Variants in MAF observed in about 807,000 individuals in gnomAD.
MAF encodes transcription factor Maf.
MAF carries 10 observed loss-of-function variants against 22.0 expected under a neutral mutation model. The observed-to-expected ratio is 0.45, with a 90% CI of 0.28 to 0.77. The LOEUF (loss-of-function observed/expected upper bound fraction) is 0.77, where lower values mean the gene tolerates loss of function less well. Among genes scored for constraint, MAF ranks in the 30% least tolerant of loss-of-function variants. The pLI is 0.12. For missense variants in MAF, 544 were observed against 548.4 expected, an observed-to-expected ratio of 0.99 and a Z score of 0.08; for synonymous variants, 337 against 255.8, an observed-to-expected ratio of 1.32 and a Z score of -3.03.
chr16:79,533,544 C>T, the MAF span, among the ~76,000 whole-genome samples: 70 of 152,158 alleles, frequency 4.6e-4, no homozygotes, highest in East Asian at 9.7e-4. Flanking sequence ...CAGAGGAAGA[C>T]GGCAGGGGGA....
At chr16:79,489,445 G>T in the MAF span, among the ~76,000 whole-genome samples, 1 of 152,202 alleles carries the variant, frequency 6.6e-6, no homozygotes, top group Non-Finnish European at 1.5e-5. Context: ...TGAGTAAGAG[G>T]AGTTGATTCC....
the MAF span, among the ~76,000 whole-genome samples, chr16:79,380,869 G>A: frequency 6.6e-6 from 1 of 152,226 alleles, no homozygotes; most frequent in African/African-American, 2.4e-5. Context: ...CTCTTTGGGG[G>A]CACATTGGAA....
the MAF span, among the ~76,000 whole-genome samples, chr16:79,217,530 C>G: frequency 4.6e-5 from 7 of 152,196 alleles, no homozygotes; most frequent in Admixed American, 3.3e-4. Context: ...CTACATTTCT[C>G]AATAGGCCCT....
At chr16:79,427,711 C>T in the MAF span, among the ~76,000 whole-genome samples, 1 of 152,048 alleles carries the variant, frequency 6.6e-6, no homozygotes, top group Non-Finnish European at 1.5e-5. Context: ...TCCTGATAGC[C>T]CTGTACTGGC....
chr16:79,527,246 T>C, the MAF span, among the ~76,000 whole-genome samples: 1 of 152,206 alleles, frequency 6.6e-6, no homozygotes, highest in African/African-American at 2.4e-5. Context: ...CAGTGCTGCC[T>C]GTTTTCTTTG....
At chr16:79,584,703 G>A (rs1473369356), downstream of MAF, among the ~76,000 whole-genome samples, 1 of 152,038 alleles carries the variant, frequency 6.6e-6, no homozygotes, top group Non-Finnish European at 1.5e-5. Flanking sequence ...TGCATGCACA[G>A]ACTCAGACAC....
chr16:79,523,203 A>C, the MAF span, among the ~76,000 whole-genome samples: 2 of 152,214 alleles, frequency 1.3e-5, no homozygotes, highest in African/African-American at 4.8e-5. Flanking sequence ...CCAAAGGGGC[A>C]TCTGTTTGAC....
the MAF span, among the ~76,000 whole-genome samples, chr16:79,219,180 TGAGG>T: frequency 6.6e-6 from 1 of 152,216 alleles, no homozygotes; most frequent in Non-Finnish European, 1.5e-5. Context: ...CTCATTCAGA[TGAGG>T]GAGGCTCTGT....
the MAF span, among the ~76,000 whole-genome samples, chr16:79,234,004 A>G: frequency 4.5e-4 from 69 of 151,850 alleles, no homozygotes; most frequent in African/African-American, 1.6e-3. Flanking sequence ...AAAAAAAAAA[A>G]AGAGAGTAAG....
At chr16:79,327,051 A>G in the MAF span, among the ~76,000 whole-genome samples, 1 of 152,238 alleles carries the variant, frequency 6.6e-6, no homozygotes, top group African/African-American at 2.4e-5. Flanking sequence ...CTGCATACTG[A>G]ACTACTGTAC....
chr16:79,241,395 T>C, the MAF span, among the ~76,000 whole-genome samples: 1 of 152,040 alleles, frequency 6.6e-6, no homozygotes, highest in African/African-American at 2.4e-5. Flanking sequence ...TCATGAAGCA[T>C]ACACAAGTAT....
At chr16:79,345,990 T>C in the MAF span, among the ~76,000 whole-genome samples, 1 of 152,112 alleles carries the variant, frequency 6.6e-6, no homozygotes, top group Non-Finnish European at 1.5e-5. Flanking sequence ...GTTTGAAACA[T>C]AAATCAGCAG....
the MAF span, among the ~76,000 whole-genome samples, chr16:79,570,316 A>T: frequency 2.6e-5 from 4 of 151,792 alleles, no homozygotes; most frequent in Admixed American, 6.6e-5. Context: ...ATCCCTCCTC[A>T]GCTCTTTGCT....
intron 1 of MAF, chr16:79,598,369 G>A (rs767365436): frequency 2.7e-6 from 3 of 1,125,622 alleles, no homozygotes; most frequent in Non-Finnish European, 3.3e-6. Context: ...AATGATGCAG[G>A]CTTCAAAGGT....
chr16:79,252,460 C>T, the MAF span, among the ~76,000 whole-genome samples: 3 of 152,052 alleles, frequency 2.0e-5, no homozygotes, highest in African/African-American at 7.2e-5. Flanking sequence ...CTGATCCCTG[C>T]TATAAAGATT....
At chr16:79,476,184 C>T in the MAF span, among the ~76,000 whole-genome samples, 1 of 152,244 alleles carries the variant, frequency 6.6e-6, no homozygotes, top group East Asian at 1.9e-4. Flanking sequence ...TCAATAACCA[C>T]GTGAGCTTAG....
the MAF span, among the ~76,000 whole-genome samples, chr16:79,403,298 A>G: frequency 6.6e-6 from 1 of 152,206 alleles, no homozygotes; most frequent in Non-Finnish European, 1.5e-5. Flanking sequence ...CTGGAGCGGT[A>G]TAGGGGCTCA....
At chr16:79,257,033 C>A in the MAF span, among the ~76,000 whole-genome samples, 12 of 151,962 alleles carry the variant, frequency 7.9e-5, 1 homozygote, top group East Asian at 2.1e-3. Context: ...AAAAATTAGC[C>A]AGGTATGGTG....
chr16:79,213,815 G>C, the MAF span, among the ~76,000 whole-genome samples: 1 of 152,182 alleles, frequency 6.6e-6, no homozygotes, highest in Non-Finnish European at 1.5e-5. Flanking sequence ...TTTATTTTAA[G>C]CCACTAAGTT....
Sources: gnomAD v4.1 joint callset for allele counts (sites outside exome capture counted in the v4.1 genomes callset) on GRCh38, gnomAD v4.1.1 for gene constraint, MANE v1.5 for transcripts, NCBI Gene and HGNC (gene_info 2026-07-23, HGNC 2026-07-21) for gene names.